RPS6KC1: variants seen among roughly 807,000 people sequenced by gnomAD.
RPS6KC1 encodes inactive ribosomal protein S6 kinase delta-1.
A neutral mutation model predicts 103.8 loss-of-function variants in RPS6KC1; 54 were observed. That is an observed-to-expected ratio of 0.52 (90% CI 0.42 to 0.65). The LOEUF (loss-of-function observed/expected upper bound fraction) is 0.65, where lower values mean the gene tolerates loss of function less well. Ranked by LOEUF, RPS6KC1 falls within the 30% of genes least tolerant of loss-of-function variation. The pLI, the probability that RPS6KC1 is intolerant of heterozygous loss-of-function variation, is 0.00. For synonymous variants in RPS6KC1, 439 were observed against 438.7 expected, an observed-to-expected ratio of 1.00 and a Z score of -0.01; for missense variants, 1,151 against 1,253.8, an observed-to-expected ratio of 0.92 and a Z score of 1.24.
intron 3 of RPS6KC1, among the ~76,000 whole-genome samples, chr1:213,092,600 A>T (rs1384737359): frequency 8.6e-5 from 13 of 151,040 alleles, no homozygotes; most frequent in Non-Finnish European, 1.2e-4. Context: ...TGAACCAGGG[A>T]GGCGGAGCTT....
chr1:213,262,629 T>G, intron 13 of RPS6KC1, 92 bp from the exon 14 acceptor site: 3 of 841,694 alleles, frequency 3.6e-6, no homozygotes, highest in African/African-American at 1.7e-5. Context: ...AAATGGTTGT[T>G]GAGCTCTCTG....
At chr1:213,227,020 C>T (rs2093979604) in intron 8 of RPS6KC1, among the ~76,000 whole-genome samples, 4 of 152,168 alleles carry the variant, frequency 2.6e-5, no homozygotes, top group Non-Finnish European at 5.9e-5. Flanking sequence ...TAAAGAAGTT[C>T]CAGTGTTTCA....
intron 3 of RPS6KC1, among the ~76,000 whole-genome samples, chr1:213,097,318 C>T (rs1350359689): frequency 6.7e-6 from 1 of 148,696 alleles, no homozygotes; most frequent in Non-Finnish European, 1.5e-5. Flanking sequence ...CGCGCCACTG[C>T]ACTCCAGCCT....
rs1482149027 is a variant in RPS6KC1, at chr1:213,240,911, A to G, written c.1435A>G (p.Ser479Gly). 1 of 1,613,776 alleles carries G rather than the reference A, an allele frequency of 6.2e-7. No homozygotes were observed. The highest frequency in any genetic ancestry group is 8.5e-7 in the Non-Finnish European group (1 of 1,179,896). ...GCCTTTGAAGAGTAGTCTTACTCCAAGTTCTCAAGATGACAGCAACCAGGA... is the reference window on the plus strand; with the variant it reads ...GCCTTTGAAGAGTAGTCTTACTCCAGGTTCTCAAGATGACAGCAACCAGGA... ...ALPLKSSLTPSSQDDSNQEDD... is the reference protein window; with the variant it reads ...ALPLKSSLTPGSQDDSNQEDD... The change falls in exon 11 of 15, where the codon AGT becomes GGT. Residue 479 changes from serine to glycine, a missense_variant. By Grantham distance (56) the Ser-to-Gly change is moderately conservative (BLOSUM62 0). Coordinates refer to ENST00000366960, the MANE Select transcript of RPS6KC1 (RefSeq NM_012424.6).
chr1:213,823,661 C>T, the RPS6KC1 span, among the ~76,000 whole-genome samples: 44 of 150,848 alleles, frequency 2.9e-4, no homozygotes, highest in Non-Finnish European at 1.8e-4. Flanking sequence ...TTTTCTCCAG[C>T]CAAAACATTC....
chr1:213,644,988 A>G, the RPS6KC1 span, among the ~76,000 whole-genome samples: 2 of 152,194 alleles, frequency 1.3e-5, no homozygotes, highest in African/African-American at 4.8e-5. Context: ...AATCCCTTTT[A>G]GACAGAGGGT....
chr1:213,523,740 G>GT, the RPS6KC1 span, among the ~76,000 whole-genome samples: 1 of 152,256 alleles, frequency 6.6e-6, no homozygotes, highest in Non-Finnish European at 1.5e-5. Flanking sequence ...ACTGCTGTAA[G>GT]TGGTAAGTAA....
At chr1:213,495,825 A>C in the RPS6KC1 span, among the ~76,000 whole-genome samples, 2 of 152,254 alleles carry the variant, frequency 1.3e-5, no homozygotes, top group Admixed American at 6.5e-5. Context: ...GCATGATTGT[A>C]AAAGTGAATA....
Position 213,051,374 on chromosome 1 carries a change from G to GGC in RPS6KC1, c.-30_-29insCG. 2.0e-6 allele frequency: 3 copies of GGC among 1,535,788 alleles called. No individual in the cohort carries two copies. Among genetic ancestry groups the GGC allele is most frequent in the Non-Finnish European group, 2.7e-6 (3 of 1,114,056 alleles). On this transcript the variant is annotated 5_prime_UTR_variant, in exon 1 of 15. Transcript: ENST00000366960. Reference sequence around the variant, plus strand: ...CCGGGTTTCCCTCATGATCCCGGGCGGGTGGCGGCGGCGGCAGAGGCGGCG... The same window carrying GGC: ...CCGGGTTTCCCTCATGATCCCGGGCGGCGGTGGCGGCGGCGGCAGAGGCGGCG...
the RPS6KC1 span, among the ~76,000 whole-genome samples, chr1:213,696,225 C>T: frequency 3.3e-5 from 5 of 152,076 alleles, no homozygotes; most frequent in East Asian, 1.9e-4. Context: ...CTTGGCCAGG[C>T]GTGGTGGCTC....
intron 7 of RPS6KC1, among the ~76,000 whole-genome samples, chr1:213,169,642 G>A (rs1572985723): frequency 6.6e-6 from 1 of 151,990 alleles, no homozygotes; most frequent in African/African-American, 2.4e-5. Context: ...CTCGTGTGCA[G>A]TACTAATGTG....
At chr1:213,607,030 C>A in the RPS6KC1 span, among the ~76,000 whole-genome samples, 1 of 152,198 alleles carries the variant, frequency 6.6e-6, no homozygotes, top group Non-Finnish European at 1.5e-5. Flanking sequence ...TTCGCCCATG[C>A]TGTGATGGCA....
chr1:213,538,762 T>G, the RPS6KC1 span, among the ~76,000 whole-genome samples: 2 of 152,078 alleles, frequency 1.3e-5, no homozygotes, highest in Non-Finnish European at 2.9e-5. Context: ...GAACATGCAT[T>G]TTACTGGGGG....
chr1:213,442,021 T>C, the RPS6KC1 span, among the ~76,000 whole-genome samples: 1 of 152,244 alleles, frequency 6.6e-6, no homozygotes, highest in Non-Finnish European at 1.5e-5. Flanking sequence ...CCATCACTTC[T>C]GTGGGAGGAG....
chr1:213,195,821 G>GGTGT lies in RPS6KC1; in HGVS notation c.1044+19352_1044+19355dup, dbSNP rs60968477. 2.1e-3 allele frequency among the ~76,000 whole-genome samples: 313 copies of GGTGT among 149,724 alleles called. 2 individuals carry two copies. The highest frequency in any genetic ancestry group is 5.0e-3 in the African/African-American group (201 of 40,136). ...TTTTTATGGCTGAGTAGTATTCCAT[G>GGTGT]GTGTGTGTGTGTGTGTGTGTGTGTG... On this transcript the variant is annotated intron_variant, in intron 8 of 14. Transcript: ENST00000366960.
intron 3 of RPS6KC1, among the ~76,000 whole-genome samples, chr1:213,085,617 C>T (rs1224458777): frequency 6.6e-6 from 1 of 152,104 alleles, no homozygotes; most frequent in Non-Finnish European, 1.5e-5. Flanking sequence ...TTTCCAATTC[C>T]TGTACCTCTC....
chr1:213,205,546 A>ATATATATAT (rs2093320314), intron 8 of RPS6KC1, among the ~76,000 whole-genome samples: 1 of 108,136 alleles, frequency 9.2e-6, no homozygotes, highest in African/African-American at 3.9e-5. Context: ...TTATATATAT[A>ATATATATAT]GATATATATA....
the RPS6KC1 span, among the ~76,000 whole-genome samples, chr1:213,374,973 C>G: frequency 1.3e-5 from 2 of 152,000 alleles, no homozygotes; most frequent in Admixed American, 1.3e-4. Context: ...ACGACAACAA[C>G]TATTACTACA....
At chr1:213,126,595 T>C (rs2085017720) in intron 5 of RPS6KC1, among the ~76,000 whole-genome samples, 1 of 152,196 alleles carries the variant, frequency 6.6e-6, no homozygotes, top group South Asian at 2.1e-4. Context: ...TTGGCAAAAC[T>C]ATGTTCTATG....
Sources: allele counts gnomAD v4.1 joint callset (sites outside exome capture counted in the v4.1 genomes callset), GRCh38; gene constraint gnomAD v4.1.1; transcripts MANE v1.5; gene names NCBI Gene and HGNC (gene_info 2026-07-23, HGNC 2026-07-21).